GALNT13: variants seen among roughly 807,000 people sequenced by gnomAD.
GALNT13 encodes the protein UDP-GalNAc:polypeptide N-acetylgalactosaminyltransferase 13.
Under a neutral mutation model 64.2 loss-of-function variants are expected in GALNT13, and 28 were observed. That is an observed-to-expected ratio of 0.44 (90% CI 0.32 to 0.60). The LOEUF (loss-of-function observed/expected upper bound fraction) is 0.60, where lower values mean the gene tolerates loss of function less well. Among genes scored for constraint, GALNT13 ranks in the 20% least tolerant of loss-of-function variants. The pLI is 0.05. For synonymous variants in GALNT13, 214 were observed against 224.6 expected, an observed-to-expected ratio of 0.95 and a Z score of 0.42; for missense variants, 577 against 669.8, an observed-to-expected ratio of 0.86 and a Z score of 1.53.
chr2:153,210,127 G>C, the GALNT13 span, among the ~76,000 whole-genome samples: 1 of 152,158 alleles, frequency 6.6e-6, no homozygotes, highest in East Asian at 1.9e-4. Flanking sequence ...TCTGTGAATA[G>C]AGACAGTTTT....
At chr2:153,506,403 C>A in the GALNT13 span, among the ~76,000 whole-genome samples, 1 of 151,810 alleles carries the variant, frequency 6.6e-6, no homozygotes, top group Non-Finnish European at 1.5e-5. Context: ...GCCTGAATAC[C>A]TTTTTTTCAT....
At chr2:153,528,704 C>T in the GALNT13 span, among the ~76,000 whole-genome samples, 1 of 151,762 alleles carries the variant, frequency 6.6e-6, no homozygotes, top group Non-Finnish European at 1.5e-5. Flanking sequence ...TTTAAAAACC[C>T]TGAGTAATAT....
chr2:153,265,556 GTGGTTGTA>G, the GALNT13 span, among the ~76,000 whole-genome samples: 1 of 152,144 alleles, frequency 6.6e-6, no homozygotes, highest in African/African-American at 2.4e-5. Flanking sequence ...GGATGGGGGA[GTGGTTGTA>G]TAGGTGATTC....
chr2:153,172,599 A>G, the GALNT13 span, among the ~76,000 whole-genome samples: 1 of 152,096 alleles, frequency 6.6e-6, no homozygotes, highest in African/African-American at 2.4e-5. Flanking sequence ...GGTACCAACA[A>G]TGCCCTGCCA....
At chr2:154,207,558 T>C in intron 4 of GALNT13, among the ~76,000 whole-genome samples, 1 of 152,172 alleles carries the variant, frequency 6.6e-6, no homozygotes, top group East Asian at 1.9e-4. Context: ...TCAGTGGTCA[T>C]TAAATGTTAT....
chr2:153,252,303 C>G, the GALNT13 span, among the ~76,000 whole-genome samples: 4 of 91,714 alleles, frequency 4.4e-5, no homozygotes, highest in Non-Finnish European at 6.9e-5. Context: ...CCTTCGCCCA[C>G]TTTTTGATGG....
chr2:153,222,314 G>GGGGGGGGGGT, the GALNT13 span, among the ~76,000 whole-genome samples: 1 of 140,272 alleles, frequency 7.1e-6, no homozygotes, highest in Non-Finnish European at 1.6e-5. Context: ...GGCTGGGGGG[G>GGGGGGGGGGT]GGGGGGGGGG....
chr2:153,471,502 A>C, the GALNT13 span, among the ~76,000 whole-genome samples: 2 of 152,134 alleles, frequency 1.3e-5, no homozygotes, highest in African/African-American at 4.8e-5. Context: ...CCCTCTCAGC[A>C]GTCTTTGATC....
chr2:154,438,870 T>C (rs934963590), intron 12 of GALNT13, 144 bp downstream of exon 12: 3 of 597,160 alleles, frequency 5.0e-6, no homozygotes, highest in Non-Finnish European at 5.7e-6. Flanking sequence ...TCCGGTAATA[T>C]TAGGATGGCA....
the GALNT13 span, among the ~76,000 whole-genome samples, chr2:153,513,052 T>G: frequency 6.6e-6 from 1 of 152,162 alleles, no homozygotes; most frequent in African/African-American, 2.4e-5. Flanking sequence ...GATGCTTGAG[T>G]CCCCAGCATA....
the GALNT13 span, among the ~76,000 whole-genome samples, chr2:153,225,803 C>T: frequency 6.6e-6 from 1 of 152,080 alleles, no homozygotes; most frequent in South Asian, 2.1e-4. Flanking sequence ...AATTCTAAAA[C>T]ACTGATGAGA....
At position 154,417,489 on chromosome 2, in the gene GALNT13, T is replaced by TTTTATTTATTTATTTATTTA. The variant is rs59851032; in HGVS notation, c.1395+8423_1395+8442dup. ...CCCATTTGCCATGACCTTGCCATGC[T>TTTTATTTATTTATTTATTTA]TTTATTTATTTATTTATTTATTTAT... is the stretch of plus-strand genomic sequence containing the variant. On this transcript the variant is annotated intron_variant, in intron 11 of 12. Transcript: ENST00000392825. 8.9e-3 allele frequency among the ~76,000 whole-genome samples: 1,174 copies of TTTTATTTATTTATTTATTTA among 132,326 alleles called. 11 individuals are homozygous for TTTTATTTATTTATTTATTTA. The highest frequency in any genetic ancestry group is 0.01 in the African/African-American group (354 of 34,658). The allele number at this position is 132,326 out of a possible 152,430, so 86.8% of individuals were successfully genotyped here.
chr2:154,168,217 G>A (rs1349651747), intron 4 of GALNT13, among the ~76,000 whole-genome samples: 1 of 152,070 alleles, frequency 6.6e-6, no homozygotes, highest in Admixed American at 6.6e-5. Flanking sequence ...GATCATAGAG[G>A]CCGACAACTG....
chr2:153,642,414 G>C, the GALNT13 span, among the ~76,000 whole-genome samples: 2 of 151,732 alleles, frequency 1.3e-5, no homozygotes, highest in Non-Finnish European at 2.9e-5. Flanking sequence ...AATAAAAATA[G>C]AGCAGACAAA....
intron 10 of GALNT13, among the ~76,000 whole-genome samples, chr2:154,406,387 C>G (rs1364937076): frequency 6.6e-6 from 1 of 152,116 alleles, no homozygotes; most frequent in Non-Finnish European, 1.5e-5. Flanking sequence ...TACTATTATA[C>G]CATGCCTATG....
intron 9 of GALNT13, among the ~76,000 whole-genome samples, chr2:154,341,749 A>C (rs1695784832): frequency 6.6e-6 from 1 of 152,072 alleles, no homozygotes; most frequent in Non-Finnish European, 1.5e-5. Flanking sequence ...ATGTAACTTA[A>C]GTTGTAAGAA....
chr2:154,450,378 T>C (rs1215119847), intron 12 of GALNT13, 33 bp from the exon 13 acceptor site: 6 of 1,560,812 alleles, frequency 3.8e-6, no homozygotes, highest in Non-Finnish European at 5.2e-6. Flanking sequence ...AAAGACGAAA[T>C]AAGCTGCACT....
At chr2:154,246,537 TA>T (rs962438017) in intron 7 of GALNT13, among the ~76,000 whole-genome samples, 8 of 152,216 alleles carry the variant, frequency 5.3e-5, no homozygotes, top group African/African-American at 1.2e-4. Context: ...TTACTTGTAA[TA>T]AAAAATATCA....
intron 3 of GALNT13, among the ~76,000 whole-genome samples, chr2:154,121,618 A>G (rs181680861): frequency 9.3e-4 from 141 of 152,202 alleles, no homozygotes; most frequent in Non-Finnish European, 1.8e-3. Context: ...CATTTACTAA[A>G]TGTTTATTGC....
Sources: gnomAD v4.1 joint callset for allele counts (sites outside exome capture counted in the v4.1 genomes callset) on GRCh38, gnomAD v4.1.1 for gene constraint, MANE v1.5 for transcripts, NCBI Gene and HGNC (gene_info 2026-07-23, HGNC 2026-07-21) for gene names.